The following MBOAT1 variants were observed in gnomAD, a reference collection of about 807,000 sequenced individuals.
MBOAT1 encodes membrane-bound glycerophospholipid O-acyltransferase 1.
A neutral mutation model predicts 64.4 loss-of-function variants in MBOAT1; 67 were observed. The observed-to-expected ratio is 1.04, with a 90% CI of 0.85 to 1.27. The LOEUF is 1.27. Among genes scored for constraint, MBOAT1 ranks in the 50% most tolerant of loss-of-function variants. MBOAT1 has a pLI of 0.00. For synonymous variants in MBOAT1, 229 were observed against 218.9 expected, an observed-to-expected ratio of 1.05 and a Z score of -0.41; for missense variants, 563 against 604.6, an observed-to-expected ratio of 0.93 and a Z score of 0.72.
chr6:20,133,945 G>A (rs1760906592), intron 4 of MBOAT1, among the ~76,000 whole-genome samples: 1 of 152,136 alleles, frequency 6.6e-6, no homozygotes. Context: ...AGCTATGACT[G>A]AGTGCAGTAG....
intron 1 of MBOAT1, among the ~76,000 whole-genome samples, chr6:20,201,167 C>G (rs1763112635): frequency 6.6e-6 from 1 of 152,126 alleles, no homozygotes; most frequent in Admixed American, 6.5e-5. Flanking sequence ...CAGCTCCTTC[C>G]CAGTTTGTGG....
intron 3 of MBOAT1, among the ~76,000 whole-genome samples, chr6:20,148,610 A>C (rs530235526): frequency 1.3e-4 from 20 of 152,214 alleles, no homozygotes; most frequent in Non-Finnish European, 2.6e-4. Flanking sequence ...CAGGAGGGAA[A>C]TGTGACATAT....
At chr6:20,185,432 T>C (rs897820555) in intron 1 of MBOAT1, among the ~76,000 whole-genome samples, 3 of 152,166 alleles carry the variant, frequency 2.0e-5, no homozygotes, top group Non-Finnish European at 2.9e-5. Context: ...ATGCATAATA[T>C]TGGGGGGCCT....
At chr6:20,195,747 T>C (rs1214513980) in intron 1 of MBOAT1, among the ~76,000 whole-genome samples, 3 of 152,112 alleles carry the variant, frequency 2.0e-5, no homozygotes, top group South Asian at 2.1e-4. Flanking sequence ...ATGATTTTCA[T>C]GCACAACCAA....
intron 8 of MBOAT1, among the ~76,000 whole-genome samples, chr6:20,120,057 A>C (rs1162469691): frequency 6.6e-6 from 1 of 151,734 alleles, no homozygotes; most frequent in Non-Finnish European, 1.5e-5. Flanking sequence ...AGGACTCTAT[A>C]TAATACTTTA....
At chr6:20,128,023 C>G (rs1760713223) in intron 6 of MBOAT1, among the ~76,000 whole-genome samples, 1 of 152,132 alleles carries the variant, frequency 6.6e-6, no homozygotes, top group Admixed American at 6.5e-5. Context: ...AGTCAATCTC[C>G]TCTACCACCT....
intron 1 of MBOAT1, among the ~76,000 whole-genome samples, chr6:20,210,758 C>G (rs1244905770): frequency 6.6e-6 from 1 of 152,108 alleles, no homozygotes; most frequent in African/African-American, 2.4e-5. Flanking sequence ...TTTAGCCATA[C>G]AAAAAGCCTT....
intron 11 of MBOAT1, among the ~76,000 whole-genome samples, chr6:20,111,878 A>ATACATATATATACATATATATG (rs1760177640): frequency 7.2e-6 from 1 of 138,710 alleles, no homozygotes; most frequent in Non-Finnish European, 1.5e-5. Flanking sequence ...ACATATATAT[A>ATACATATATATACATATATATG]TGTATATATA....
At chr6:20,116,541 AAGAT>A (rs769823777) in intron 9 of MBOAT1, among the ~76,000 whole-genome samples, 12 of 152,104 alleles carry the variant, frequency 7.9e-5, no homozygotes, top group Non-Finnish European at 1.2e-4. Flanking sequence ...GGGAGGAAGG[AAGAT>A]AGATAGATGT....
intron 1 of MBOAT1, among the ~76,000 whole-genome samples, chr6:20,201,117 C>T (rs2113770249): frequency 6.6e-6 from 1 of 152,340 alleles, no homozygotes; most frequent in Middle Eastern, 3.4e-3. Flanking sequence ...AATTCACCTA[C>T]TCGCCAAGTT....
chr6:20,206,425 C>T lies in MBOAT1; in HGVS notation c.99+5711G>A, dbSNP rs547211686. On this transcript the variant is annotated intron_variant, in intron 1 of 12. Transcript: ENST00000324607. Reference sequence around the variant, plus strand: ...CTGACCTCAGGTGATCTGGCCGCCTCGGCCTCCCAAAGTGCTGGGATTACA... The same window carrying T: ...CTGACCTCAGGTGATCTGGCCGCCTTGGCCTCCCAAAGTGCTGGGATTACA... 3.9e-4 allele frequency among the ~76,000 whole-genome samples: 60 copies of T among 152,298 alleles called. No homozygotes were observed. The South Asian group carries it at 8.3e-3, about 21-fold the overall frequency.
intron 11 of MBOAT1, among the ~76,000 whole-genome samples, chr6:20,111,825 CATATATATACACATATATATACAT>C (rs1760152199): frequency 1.8e-5 from 2 of 110,874 alleles, no homozygotes; most frequent in Admixed American, 9.8e-5. Context: ...CATATATATA[CATATATATACACATATATATACAT>C]ATATATATAC....
chr6:20,116,386 C>A (rs2113638616), intron 9 of MBOAT1, among the ~76,000 whole-genome samples: 1 of 152,084 alleles, frequency 6.6e-6, no homozygotes, highest in East Asian at 1.9e-4. Context: ...ATACAAGGAT[C>A]AGAATTCCTA....
intron 12 of MBOAT1, among the ~76,000 whole-genome samples, chr6:20,107,521 C>A (rs965377961): frequency 6.6e-6 from 1 of 152,168 alleles, no homozygotes; most frequent in African/African-American, 2.4e-5. Flanking sequence ...AAACTCTATA[C>A]CATTCACTCA....
chr6:20,109,832 C>T (rs1246914612), intron 11 of MBOAT1, 83 bp from the exon 12 acceptor site: 1 of 1,395,672 alleles, frequency 7.2e-7, no homozygotes, highest in Non-Finnish European at 9.7e-7. Flanking sequence ...AGATAGTATG[C>T]CACAGGAACA....
At chr6:20,182,458 C>A (rs530378310) in intron 1 of MBOAT1, among the ~76,000 whole-genome samples, 1 of 152,320 alleles carries the variant, frequency 6.6e-6, no homozygotes, top group African/African-American at 2.4e-5. Context: ...TAACATACTG[C>A]TAATCTTCCT....
intron 7 of MBOAT1, chr6:20,125,942 A>G (rs1760637168): frequency 2.4e-6 from 1 of 410,240 alleles, no homozygotes; most frequent in Non-Finnish European, 4.7e-6. Flanking sequence ...TAAATTGAGC[A>G]TATTTGTAAA....
chr6:20,181,884 G>A (rs1581450871), intron 1 of MBOAT1, among the ~76,000 whole-genome samples: 1 of 152,182 alleles, frequency 6.6e-6, no homozygotes, highest in African/African-American at 2.4e-5. Context: ...TAAATTTAAG[G>A]AAGGGCTACC....
intron 5 of MBOAT1, among the ~76,000 whole-genome samples, chr6:20,129,134 T>A (rs1395350389): frequency 6.6e-6 from 1 of 152,166 alleles, no homozygotes; most frequent in Non-Finnish European, 1.5e-5. Context: ...TGCCACAGCT[T>A]AAATACCTCC....
Sources: allele counts gnomAD v4.1 joint callset (sites outside exome capture counted in the v4.1 genomes callset), GRCh38; gene constraint gnomAD v4.1.1; transcripts MANE v1.5; gene names NCBI Gene and HGNC (gene_info 2026-07-23, HGNC 2026-07-21).